The following DYNC1LI1 variants were observed in gnomAD, a reference collection of about 807,000 sequenced individuals.
DYNC1LI1 encodes the protein dynein cytoplasmic 1 light intermediate chain 1, also known as cytoplasmic dynein 1 light intermediate chain 1.
Under a neutral mutation model 63.8 loss-of-function variants are expected in DYNC1LI1, and 19 were observed. The ratio of observed to expected loss-of-function variants is 0.30; its 90% confidence interval spans 0.21 to 0.44. DYNC1LI1 has a LOEUF of 0.44. Among genes scored for constraint, DYNC1LI1 ranks in the 20% least tolerant of loss-of-function variants. The pLI, the probability that DYNC1LI1 is intolerant of heterozygous loss-of-function variation, is 1.00. For missense variants in DYNC1LI1, 565 were observed against 630.2 expected, an observed-to-expected ratio of 0.90 and a Z score of 1.11; for synonymous variants, 225 against 232.3, an observed-to-expected ratio of 0.97 and a Z score of 0.28.
chr3:32,537,137 T>C lies in DYNC1LI1; in HGVS notation c.739-33A>G, dbSNP rs61007105. Reference sequence around the variant, plus strand: ...GTTAAAATAATTAAAAATAATACATTTAAAATAATCATAACTAAATATAGT... The same window carrying C: ...GTTAAAATAATTAAAAATAATACATCTAAAATAATCATAACTAAATATAGT... On this transcript the variant is annotated intron_variant, in intron 5 of 12. Coordinates refer to ENST00000273130, the MANE Select transcript of DYNC1LI1 (RefSeq NM_016141.4). 2.9e-3 allele frequency: 3,531 copies of C among 1,214,236 alleles called. 88 individuals carry two copies. In the African/African-American group the frequency reaches 0.05, roughly 17 times the overall value. The allele number at this position is 1,214,236 out of a possible 1,614,324, so 75.2% of individuals were successfully genotyped here. A position where few individuals can be genotyped will look rare whatever the true frequency, so the allele number is the denominator to read the frequency against.
Position 32,541,133 on chromosome 3 carries a change from C to T in DYNC1LI1, c.642G>A (p.Ala214=), listed in dbSNP as rs371219514. The part of the protein sequence containing the change: ...FPASPQRRNT[A]SQEDKDDSVV... The stretch of plus-strand genomic sequence containing the variant: ...CACTGTCATCTTTGTCTTCTTGTGA[C>T]GCAGTATTTCTTCTCTGGGGAGAAG... The change falls in exon 5 of 13, where the codon GCG becomes GCA. Residue 214 remains alanine (A), a synonymous_variant. Coordinates refer to ENST00000273130, the MANE Select transcript of DYNC1LI1 (RefSeq NM_016141.4). 1.1e-5 allele frequency: 17 copies of T among 1,613,332 alleles called. No homozygotes were observed. The highest frequency in any genetic ancestry group is 6.7e-5 in the East Asian group (3 of 44,858).
chr3:32,527,052 A>G, intron 12 of DYNC1LI1, 144 bp from the exon 13 acceptor site: 1 of 586,264 alleles, frequency 1.7e-6, no homozygotes, highest in Non-Finnish European at 2.9e-6. Context: ...CTTAATTTAA[A>G]AATTTCAAGC....
rs367922212 is a variant in DYNC1LI1, at chr3:32,570,794, C to A, written c.-24G>T. On this transcript the variant is annotated 5_prime_UTR_variant, in exon 1 of 13. Transcript: ENST00000273130. ...ATCTTGGTCGGGAATCACACCACTC[C>A]CGGCAAGACTAAATGTGCGAGGCGG... The A allele has an allele frequency of 1.9e-6, 3 of 1,594,488 alleles. No individual in the cohort carries two copies. Among genetic ancestry groups the A allele is most frequent in the Non-Finnish European group, 1.7e-6 (2 of 1,169,346 alleles).
intron 2 of DYNC1LI1, among the ~76,000 whole-genome samples, chr3:32,552,226 C>G (rs780914412): frequency 1.3e-5 from 2 of 152,156 alleles, no homozygotes; most frequent in Non-Finnish European, 2.9e-5. Flanking sequence ...TCAGGTAGGC[C>G]TCCCTGACCA....
chr3:32,553,750 T>C lies in DYNC1LI1; in HGVS notation c.221-7785A>G, dbSNP rs555741034. Among the ~76,000 whole-genome samples the C allele has an allele frequency of 2.4e-4, 37 of 152,352 alleles. 1 individual carries two copies. In the South Asian group the frequency reaches 6.8e-3, roughly 28 times the overall value. On this transcript the variant is annotated intron_variant, in intron 2 of 12. Coordinates refer to ENST00000273130, the MANE Select transcript of DYNC1LI1 (RefSeq NM_016141.4). Reference sequence around the variant, plus strand: ...ACAACAACTCTGAGGGGCGTGATTATCTCCCATTTGGCAGGTAGGATGCTG... The same window carrying C: ...ACAACAACTCTGAGGGGCGTGATTACCTCCCATTTGGCAGGTAGGATGCTG...
rs1344273186 is a variant in DYNC1LI1 at position 32,526,431 on chromosome 3, A to C, written c.*368T>G. The stretch of plus-strand genomic sequence containing the variant: ...ATAAGCTTAGACTTCCAAGTCAGTC[A>C]AATGCCCAAACTGCATGTTTTCTGC... On this transcript the variant is annotated 3_prime_UTR_variant, in exon 13 of 13. Transcript: ENST00000273130. 1 of 156,598 alleles carries C rather than the reference A, an allele frequency of 6.4e-6. No homozygotes were observed. The highest frequency in any genetic ancestry group is 1.4e-5 in the Non-Finnish European group (1 of 70,728). 9.7% of individuals were successfully genotyped at this position (156,598 alleles called of 1,614,324 possible).
At position 32,545,235 on chromosome 3, in the gene DYNC1LI1, A is replaced by C. The variant is rs111922286; in HGVS notation, c.338-129T>G. The C allele has an allele frequency of 7.6e-6, 5 of 661,650 alleles. No homozygotes were observed. In the African/African-American group the frequency reaches 9.1e-5, roughly 12 times the overall value. 41.0% of individuals were successfully genotyped at this position (661,650 alleles called of 1,614,324 possible). On this transcript the variant is annotated intron_variant, in intron 3 of 12. Transcript: ENST00000273130. ...GCTATTGGCTTTGACAAAGTTCAACAATTTAGGCCATCTACCAATTTATTT... is the reference window on the plus strand; with the variant it reads ...GCTATTGGCTTTGACAAAGTTCAACCATTTAGGCCATCTACCAATTTATTT...
intron 2 of DYNC1LI1, among the ~76,000 whole-genome samples, chr3:32,546,517 T>G (rs1375717762): frequency 6.6e-6 from 1 of 152,208 alleles, no homozygotes; most frequent in Non-Finnish European, 1.5e-5. Flanking sequence ...CTACGGATAA[T>G]TTTCAGGAGA....
At chr3:32,567,817 C>A (rs1348885726) in intron 2 of DYNC1LI1, among the ~76,000 whole-genome samples, 1 of 151,870 alleles carries the variant, frequency 6.6e-6, no homozygotes, top group Non-Finnish European at 1.5e-5. Flanking sequence ...AATTCTCCTG[C>A]CTCAGCCTCC....
At chr3:32,532,063 T>C (rs924903912) in intron 8 of DYNC1LI1, 1 of 152,182 alleles carries the variant, frequency 6.6e-6, no homozygotes, top group Non-Finnish European at 1.5e-5. Context: ...TTTATAGAGC[T>C]TTCAGAAACA....
In DYNC1LI1 at chr3:32,567,922, T is replaced by C. The variant is rs528520560; in HGVS notation, c.220+2424A>G. Among the ~76,000 whole-genome samples, 15 of 152,280 alleles carry C rather than the reference T, an allele frequency of 9.9e-5. 1 individual carries two copies. In the South Asian group the frequency reaches 3.1e-3, roughly 32 times the overall value. On this transcript the variant is annotated intron_variant, in intron 2 of 12. Transcript: ENST00000273130. Reference sequence around the variant, plus strand: ...TTTCACCATATTGACCAGGCTGGTCTCTAACTCCTAACTTCAGGTGATCCG... The same window carrying C: ...TTTCACCATATTGACCAGGCTGGTCCCTAACTCCTAACTTCAGGTGATCCG...
At chr3:32,553,605 T>C (rs901606666) in intron 2 of DYNC1LI1, among the ~76,000 whole-genome samples, 1 of 152,214 alleles carries the variant, frequency 6.6e-6, no homozygotes, top group Non-Finnish European at 1.5e-5. Context: ...GCCCATACCT[T>C]AGTCAAATGG....
intron 9 of DYNC1LI1, 56 bp from the exon 10 acceptor site, chr3:32,530,384 G>A (rs1029324091): frequency 3.2e-6 from 5 of 1,553,974 alleles, no homozygotes; most frequent in East Asian, 2.3e-5. Context: ...ATATACTGGT[G>A]TATTTTTAAA....
intron 2 of DYNC1LI1, among the ~76,000 whole-genome samples, chr3:32,555,838 T>A (rs1045785610): frequency 6.6e-6 from 1 of 152,232 alleles, no homozygotes; most frequent in South Asian, 2.1e-4. Flanking sequence ...GCAGGACACA[T>A]GTGATAAAGC....
At chr3:32,557,545 TAAAATAAAAAAATAAATAAATAGAAGTA>T (rs1698131209) in intron 2 of DYNC1LI1, among the ~76,000 whole-genome samples, 1 of 150,224 alleles carries the variant, frequency 6.7e-6, no homozygotes, top group African/African-American at 2.5e-5. Flanking sequence ...TAAATAAAAA[TAAAATAAAAAAATAAATAAATAGAAGTA>T]AAAATAAAAA....
intron 2 of DYNC1LI1, among the ~76,000 whole-genome samples, chr3:32,558,417 A>AG (rs57686712): frequency 0.013 from 1,991 of 151,048 alleles, 41 homozygotes; most frequent in African/African-American, 0.046. Context: ...AAAAAAAAAA[A>AG]AAAAAAAAGA....
intron 2 of DYNC1LI1, among the ~76,000 whole-genome samples, chr3:32,551,537 A>G (rs149005901): frequency 5.3e-5 from 8 of 152,340 alleles, no homozygotes; most frequent in Non-Finnish European, 1.0e-4. Flanking sequence ...GGTACTTTAG[A>G]AAGAGTGCTA....
At position 32,561,018 on chromosome 3, in the gene DYNC1LI1, AAAAAAAAAAAAAAAAC is replaced by A. The variant is rs1385771118; in HGVS notation, c.220+9312_220+9327del. Among the ~76,000 whole-genome samples, 615 of 112,286 alleles carry A rather than the reference AAAAAAAAAAAAAAAAC, an allele frequency of 5.5e-3. 11 individuals carry two copies. Among genetic ancestry groups the A allele is most frequent in the African/African-American group, 0.02 (584 of 28,526 alleles). 73.7% of individuals were successfully genotyped at this position (112,286 alleles called of 152,430 possible). ...ACTCCGTCTCAAAAAAAAAAAAAAA[AAAAAAAAAAAAAAAAC>A]AAACAAAAAAAACACACACACACCA... is the stretch of plus-strand genomic sequence containing the variant. On this transcript the variant is annotated intron_variant, in intron 2 of 12. Transcript: ENST00000273130.
At chr3:32,567,032 C>G (rs1169544586) in intron 2 of DYNC1LI1, among the ~76,000 whole-genome samples, 1 of 152,216 alleles carries the variant, frequency 6.6e-6, no homozygotes, top group Admixed American at 6.5e-5. Flanking sequence ...ATTGCAACAG[C>G]TGCATCCCAG....
Sources: gnomAD v4.1 joint callset for allele counts (sites outside exome capture counted in the v4.1 genomes callset) on GRCh38, gnomAD v4.1.1 for gene constraint, MANE v1.5 for transcripts, NCBI Gene and HGNC (gene_info 2026-07-23, HGNC 2026-07-21) for gene names.